Variants in TMPRSS11E observed in about 807,000 individuals in gnomAD.
TMPRSS11E encodes transmembrane serine protease 11E.
A neutral mutation model predicts 48.1 loss-of-function variants in TMPRSS11E; 38 were observed. That is an observed-to-expected ratio of 0.79 (90% CI 0.61 to 1.04). The LOEUF (loss-of-function observed/expected upper bound fraction) is 1.04. TMPRSS11E is among the 50% of genes least tolerant of loss of function. TMPRSS11E has a pLI of 0.00. For missense variants in TMPRSS11E, 530 were observed against 510.8 expected, an observed-to-expected ratio of 1.04 and a Z score of -0.36; for synonymous variants, 158 against 171.9, an observed-to-expected ratio of 0.92 and a Z score of 0.63.
chr4:68,458,940 G>T (rs183587335), intron 1 of TMPRSS11E, among the ~76,000 whole-genome samples: 2 of 152,042 alleles, frequency 1.3e-5, no homozygotes, highest in Admixed American at 1.3e-4. Flanking sequence ...GTACCAAACC[G>T]CCTTCTCATT....
At chr4:68,456,684 A>T (rs941598636) in intron 1 of TMPRSS11E, among the ~76,000 whole-genome samples, 1 of 151,966 alleles carries the variant, frequency 6.6e-6, no homozygotes, top group East Asian at 1.9e-4. Flanking sequence ...CTACGGTCAA[A>T]TACATATCAT....
chr4:68,476,897 T>C (rs1422397688), intron 7 of TMPRSS11E, among the ~76,000 whole-genome samples: 2 of 152,162 alleles, frequency 1.3e-5, no homozygotes, highest in African/African-American at 4.8e-5. Flanking sequence ...AATGAATAGA[T>C]TGACTAATTA....
At chr4:68,456,220 GA>G (rs1728624211) in intron 1 of TMPRSS11E, among the ~76,000 whole-genome samples, 1 of 152,046 alleles carries the variant, frequency 6.6e-6, no homozygotes, top group Non-Finnish European at 1.5e-5. Flanking sequence ...GTAAGGGAAA[GA>G]TACTGTCACG....
intron 9 of TMPRSS11E, among the ~76,000 whole-genome samples, chr4:68,493,100 C>T (rs1237388208): frequency 6.6e-6 from 1 of 151,908 alleles, no homozygotes; most frequent in Non-Finnish European, 1.5e-5. Context: ...CCCTCTTAAT[C>T]TTTTATTTTA....
intron 9 of TMPRSS11E, among the ~76,000 whole-genome samples, chr4:68,486,216 C>T (rs1469766525): frequency 1.3e-5 from 2 of 151,944 alleles, no homozygotes; most frequent in African/African-American, 4.8e-5. Context: ...TTTCTAGTTC[C>T]TCAAGGTGTG....
At chr4:68,482,590 C>A (rs1172104765) in intron 9 of TMPRSS11E, among the ~76,000 whole-genome samples, 37 of 106,034 alleles carry the variant, frequency 3.5e-4, no homozygotes, top group East Asian at 1.5e-3. Flanking sequence ...TGCATCTCCA[C>A]AAAAAAAAAA....
At chr4:68,485,257 C>T (rs1352363277) in intron 9 of TMPRSS11E, among the ~76,000 whole-genome samples, 1 of 152,118 alleles carries the variant, frequency 6.6e-6, no homozygotes, top group Admixed American at 6.5e-5. Context: ...AGTGATTCTC[C>T]TGCCTTAGCC....
rs1227986697 is a variant in TMPRSS11E, at chr4:68,468,933, G to T, written c.313G>T (p.Val105Phe). ...AAGGGAAGAATTTGTCAAGTCTCAG[G>T]TTATCAAGTTCAGGTATGTAAATCT... Reference protein sequence around the residue: ...PLREEFVKSQVIKFSQQKHGV... With the variant: ...PLREEFVKSQFIKFSQQKHGV... The change falls in exon 4 of 10, where the codon GTT becomes TTT. Residue 105 changes from valine (V) to phenylalanine (F), a missense_variant. By Grantham distance (50) the Val-to-Phe change is conservative (BLOSUM62 -1). Transcript: ENST00000305363. 6.2e-7 allele frequency: 1 copy of T among 1,610,940 alleles called. No individual in the cohort carries two copies. Among genetic ancestry groups the T allele is most frequent in the South Asian group, 1.1e-5 (1 of 90,930 alleles).
chr4:68,482,590 C>CAAAAAAAAAAAAAAAA (rs371144994), intron 9 of TMPRSS11E, among the ~76,000 whole-genome samples: 1 of 106,054 alleles, frequency 9.4e-6, no homozygotes, highest in Non-Finnish European at 1.8e-5. Flanking sequence ...TGCATCTCCA[C>CAAAAAAAAAAAAAAAA]AAAAAAAAAA....
At chr4:68,483,248 C>CGA (rs368920205) in intron 9 of TMPRSS11E, among the ~76,000 whole-genome samples, 60 of 150,798 alleles carry the variant, frequency 4.0e-4, no homozygotes, top group African/African-American at 1.1e-3. Flanking sequence ...AAAGCAGGAG[C>CGA]GAGAGAGAGA....
intron 9 of TMPRSS11E, among the ~76,000 whole-genome samples, chr4:68,491,424 T>C (rs1729719886): frequency 6.6e-6 from 1 of 152,098 alleles, no homozygotes; most frequent in South Asian, 2.1e-4. Context: ...GTTTGTTTTA[T>C]TTGTAATGCC....
chr4:68,450,260 TC>T (rs1472156883), intron 1 of TMPRSS11E, among the ~76,000 whole-genome samples: 1 of 151,918 alleles, frequency 6.6e-6, no homozygotes, highest in Non-Finnish European at 1.5e-5. Flanking sequence ...GGAAGAAAAC[TC>T]TCTGTTGAGC....
chr4:68,479,069 G>A (rs1279108999), intron 9 of TMPRSS11E, 78 bp downstream of exon 9: 3 of 1,559,640 alleles, frequency 1.9e-6, no homozygotes, highest in Non-Finnish European at 2.6e-6. Context: ...TCTACAGGAA[G>A]TTGCAAAGAT....
At chr4:68,471,303 T>C (rs541034679) in intron 4 of TMPRSS11E, among the ~76,000 whole-genome samples, 157 bp from the exon 5 acceptor site, 9 of 150,976 alleles carry the variant, frequency 6.0e-5, no homozygotes, top group African/African-American at 1.7e-4. Flanking sequence ...CTTCACTTCC[T>C]TTTTCCTTTC....
intron 9 of TMPRSS11E, among the ~76,000 whole-genome samples, chr4:68,491,217 T>A (rs1163549761): frequency 1.3e-5 from 2 of 150,622 alleles, no homozygotes; most frequent in Non-Finnish European, 2.9e-5. Flanking sequence ...AGAGCAGGAT[T>A]TTCTTGGAGC....
chr4:68,487,590 A>G (rs1039216599), intron 9 of TMPRSS11E, among the ~76,000 whole-genome samples: 1 of 152,018 alleles, frequency 6.6e-6, no homozygotes, highest in African/African-American at 2.4e-5. Context: ...GCACTCTCTT[A>G]AGGACTTTTT....
At chr4:68,457,758 GA>G in intron 1 of TMPRSS11E, among the ~76,000 whole-genome samples, 1 of 152,152 alleles carries the variant, frequency 6.6e-6, no homozygotes, top group East Asian at 1.9e-4. Flanking sequence ...AGCCATAAAA[GA>G]GGATGAGTTC....
chr4:68,491,283 T>C (rs1729712504), intron 9 of TMPRSS11E, among the ~76,000 whole-genome samples: 1 of 119,930 alleles, frequency 8.3e-6, no homozygotes, highest in Non-Finnish European at 1.6e-5. Context: ...TTCTTCCAAG[T>C]CCATGATATA....
intron 9 of TMPRSS11E, among the ~76,000 whole-genome samples, chr4:68,479,294 C>T (rs549147282): frequency 6.6e-6 from 1 of 152,038 alleles, no homozygotes; most frequent in East Asian, 1.9e-4. Context: ...TTCCCTCCTC[C>T]TACTATCCCT....
Sources: allele counts gnomAD v4.1 joint callset (sites outside exome capture counted in the v4.1 genomes callset), GRCh38; gene constraint gnomAD v4.1.1; transcripts MANE v1.5; gene names NCBI Gene and HGNC (gene_info 2026-07-23, HGNC 2026-07-21).